The following ATL2 variants were observed in gnomAD, a reference collection of about 807,000 sequenced individuals.
ATL2 encodes the protein atlastin-2.
Under a neutral mutation model 73.9 loss-of-function variants are expected in ATL2, and 31 were observed. That is an observed-to-expected ratio of 0.42 (90% confidence interval 0.32 to 0.57). The LOEUF (loss-of-function observed/expected upper bound fraction) is 0.57. Ranked by LOEUF, ATL2 falls within the 20% of genes least tolerant of loss-of-function variation. ATL2 has a pLI of 0.14. For synonymous variants in ATL2, 291 were observed against 237.5 expected, an observed-to-expected ratio of 1.23 and a Z score of -2.07; for missense variants, 738 against 702.6, an observed-to-expected ratio of 1.05 and a Z score of -0.57.
Position 38,342,112 on chromosome 2 carries a change from A to T in ATL2, c.363+1156T>A, listed in dbSNP as rs185839893. ...AAAACATTCCAACTCGAGTGAAAAAATTTTTTTTGCTTTTTTTTTTCAGGA... is the reference window on the plus strand; with the variant it reads ...AAAACATTCCAACTCGAGTGAAAAATTTTTTTTTGCTTTTTTTTTTCAGGA... On this transcript the variant is annotated intron_variant, in intron 2 of 12. Coordinates refer to ENST00000378954, the MANE Select transcript of ATL2 (RefSeq NM_001135673.4). Among the ~76,000 whole-genome samples, 87 of 151,794 alleles carry T rather than the reference A, an allele frequency of 5.7e-4. 1 individual carries two copies. The highest frequency in any genetic ancestry group is 1.9e-3 in the African/African-American group (80 of 41,428).
intron 1 of ATL2, among the ~76,000 whole-genome samples, chr2:38,362,941 G>T (rs1350089446): frequency 6.6e-6 from 1 of 152,186 alleles, no homozygotes; most frequent in Non-Finnish European, 1.5e-5. Flanking sequence ...GAGGAAAAGA[G>T]GAAAACATTA....
At chr2:38,356,180 A>G (rs566289511) in intron 1 of ATL2, among the ~76,000 whole-genome samples, 2 of 152,162 alleles carry the variant, frequency 1.3e-5, no homozygotes, top group East Asian at 3.9e-4. Flanking sequence ...AACCCAAAAT[A>G]TTAGCATTTC....
chr2:38,363,680 C>T (rs1311481208), intron 1 of ATL2, among the ~76,000 whole-genome samples: 1 of 152,194 alleles, frequency 6.6e-6, no homozygotes, highest in African/African-American at 2.4e-5. Context: ...AGGACACCTA[C>T]TATCCAATCT....
chr2:38,313,053 G>A (rs545868745), intron 7 of ATL2, 98 bp downstream of exon 7: 12 of 753,242 alleles, frequency 1.6e-5, no homozygotes, highest in Admixed American at 5.8e-5. Flanking sequence ...TTATTCCAAC[G>A]ACACGTAAAT....
intron 1 of ATL2, among the ~76,000 whole-genome samples, chr2:38,370,911 T>C (rs1396132065): frequency 1.3e-5 from 2 of 150,542 alleles, no homozygotes; most frequent in Non-Finnish European, 3.0e-5. Flanking sequence ...CGAGCTATGA[T>C]TGAGCCACTG....
chr2:38,337,853 G>A (rs1669464290), intron 2 of ATL2, among the ~76,000 whole-genome samples: 1 of 152,094 alleles, frequency 6.6e-6, no homozygotes, highest in African/African-American at 2.4e-5. Flanking sequence ...TGGTATAAAA[G>A]TAGAAGCAAC....
chr2:38,331,387 G>C (rs755329816), intron 2 of ATL2, among the ~76,000 whole-genome samples: 1 of 145,346 alleles, frequency 6.9e-6, no homozygotes, highest in African/African-American at 2.5e-5. Context: ...AGTGAGCTGA[G>C]ATTGAACCAC....
chr2:38,339,360 G>A (rs1669564673), intron 2 of ATL2, among the ~76,000 whole-genome samples: 2 of 152,116 alleles, frequency 1.3e-5, no homozygotes, highest in Non-Finnish European at 2.9e-5. Flanking sequence ...TGGAAAAACT[G>A]CAGAAGCCGG....
chr2:38,300,222 C>T, intron 10 of ATL2, 50 bp downstream of exon 10: 1 of 1,419,242 alleles, frequency 7.0e-7, no homozygotes, highest in African/African-American at 1.4e-5. Flanking sequence ...TTTTTATTCT[C>T]CCTCATAAAT....
At chr2:38,339,251 G>A (rs181949139) in intron 2 of ATL2, among the ~76,000 whole-genome samples, 38 of 152,048 alleles carry the variant, frequency 2.5e-4, no homozygotes, top group Admixed American at 3.9e-4. Context: ...GGGAAAGGCT[G>A]AGAAACTCAC....
intron 1 of ATL2, among the ~76,000 whole-genome samples, chr2:38,373,387 G>C (rs769427737): frequency 6.6e-6 from 1 of 152,216 alleles, no homozygotes; most frequent in Non-Finnish European, 1.5e-5. Flanking sequence ...CAATCATAAA[G>C]TTGTATGAAC....
chr2:38,365,662 G>A (rs565378730), intron 1 of ATL2, among the ~76,000 whole-genome samples: 81 of 144,968 alleles, frequency 5.6e-4, no homozygotes, highest in African/African-American at 2.3e-3. Context: ...GTGAGGGCGG[G>A]TACCTGTAGT....
intron 9 of ATL2, among the ~76,000 whole-genome samples, chr2:38,304,650 G>C (rs968202415): frequency 6.6e-6 from 1 of 152,108 alleles, no homozygotes; most frequent in African/African-American, 2.4e-5. Context: ...AAAAAGTGGG[G>C]GGATGAAGTT....
At chr2:38,334,940 A>AAT (rs374212779) in intron 2 of ATL2, among the ~76,000 whole-genome samples, 1 of 135,288 alleles carries the variant, frequency 7.4e-6, no homozygotes, top group African/African-American at 2.8e-5. Context: ...TATAATATAT[A>AAT]ACATTTATAT....
intron 2 of ATL2, among the ~76,000 whole-genome samples, chr2:38,320,969 C>T (rs1668287297): frequency 1.3e-5 from 2 of 151,270 alleles, no homozygotes; most frequent in Non-Finnish European, 2.9e-5. Context: ...TGGTGAAACC[C>T]CCTCTCTACC....
At chr2:38,309,834 A>G (rs1226303430) in intron 8 of ATL2, among the ~76,000 whole-genome samples, 1 of 152,192 alleles carries the variant, frequency 6.6e-6, no homozygotes, top group Non-Finnish European at 1.5e-5. Context: ...CAAACAATTC[A>G]TAAAATTGTA....
At chr2:38,345,851 T>C (rs911452609) in intron 1 of ATL2, among the ~76,000 whole-genome samples, 2 of 152,234 alleles carry the variant, frequency 1.3e-5, no homozygotes, top group African/African-American at 4.8e-5. Flanking sequence ...TTTTCTCATC[T>C]GGAAAATGGG....
At chr2:38,348,604 A>G (rs1167172828) in intron 1 of ATL2, among the ~76,000 whole-genome samples, 1 of 152,098 alleles carries the variant, frequency 6.6e-6, no homozygotes, top group Non-Finnish European at 1.5e-5. Context: ...CTTATTGTAA[A>G]GAAAGCATTA....
intron 1 of ATL2, among the ~76,000 whole-genome samples, chr2:38,371,816 G>A (rs1256334369): frequency 6.6e-6 from 1 of 151,880 alleles, no homozygotes; most frequent in African/African-American, 2.4e-5. Context: ...AGAATCGCTT[G>A]AACCCACGAG....
Sources: gnomAD v4.1 joint callset for allele counts (sites outside exome capture counted in the v4.1 genomes callset) on GRCh38, gnomAD v4.1.1 for gene constraint, MANE v1.5 for transcripts, NCBI Gene and HGNC (gene_info 2026-07-23, HGNC 2026-07-21) for gene names.